The following PPP1R16B variants were observed in gnomAD, a reference collection of about 807,000 sequenced individuals.
PPP1R16B encodes the protein protein phosphatase 1 regulatory subunit 16B, also known as protein phosphatase 1 regulatory inhibitor subunit 16B.
A neutral mutation model predicts 61.7 loss-of-function variants in PPP1R16B; 14 were observed. The observed-to-expected ratio is 0.23, with a 90% CI of 0.15 to 0.35. PPP1R16B has a LOEUF of 0.35. Ranked by LOEUF, PPP1R16B falls within the 10% of genes least tolerant of loss-of-function variation. PPP1R16B has a pLI of 1.00. For missense variants in PPP1R16B, 547 were observed against 752.5 expected, an observed-to-expected ratio of 0.73 and a Z score of 3.19; for synonymous variants, 266 against 305.3, an observed-to-expected ratio of 0.87 and a Z score of 1.34.
intron 1 of PPP1R16B, among the ~76,000 whole-genome samples, chr20:38,810,359 C>T (rs1299723496): frequency 6.6e-6 from 1 of 152,206 alleles, no homozygotes; most frequent in Non-Finnish European, 1.5e-5. Context: ...CACTCACTGA[C>T]CCGAGGCAGT....
chr20:38,812,746 A>T (rs994823598), intron 1 of PPP1R16B, among the ~76,000 whole-genome samples: 10 of 152,136 alleles, frequency 6.6e-5, no homozygotes, highest in Admixed American at 3.3e-4. Context: ...TGTTGAAGGG[A>T]CTGTGCTGTT....
chr20:38,858,738 A>C (rs376516555), intron 2 of PPP1R16B, among the ~76,000 whole-genome samples: 1 of 152,220 alleles, frequency 6.6e-6, no homozygotes, highest in Non-Finnish European at 1.5e-5. Context: ...TGAAGCAAGT[A>C]GGGATGTAGA....
At chr20:38,895,880 TTCTTTCTTCCCTCCCTCCCTCCTTC>T (rs2085334838) in intron 4 of PPP1R16B, among the ~76,000 whole-genome samples, 170 bp downstream of exon 4, 10 of 110,962 alleles carry the variant, frequency 9.0e-5, no homozygotes, top group Non-Finnish European at 1.5e-4. Context: ...CCCTCCTTCC[TTCTTTCTTCCCTCCCTCCCTCCTTC>T]CTTCTTTCTT....
At position 38,922,190 on chromosome 20, in the gene PPP1R16B, A is replaced by G. The variant is rs2145794123; in HGVS notation, c.*3524A>G. Reference sequence around the variant, plus strand: ...TACAGCATAAGTAAAACTGCTCTGCACTGTTTAATCCATTTCCAAGGGGCT... The same window carrying G: ...TACAGCATAAGTAAAACTGCTCTGCGCTGTTTAATCCATTTCCAAGGGGCT... On this transcript the variant is annotated 3_prime_UTR_variant, in exon 11 of 11. Transcript: ENST00000299824. The G allele has an allele frequency of 6.5e-6, 1 of 152,674 alleles. No homozygotes were observed. The highest frequency in any genetic ancestry group is 2.1e-4 in the South Asian group (1 of 4,832). The allele number at this position is 152,674 out of a possible 1,614,324, so 9.5% of individuals were successfully genotyped here.
intron 3 of PPP1R16B, 121 bp downstream of exon 3, chr20:38,889,786 G>T: frequency 1.0e-6 from 1 of 1,000,970 alleles, no homozygotes; most frequent in Non-Finnish European, 1.6e-6. Context: ...GGGAGGAGGA[G>T]CTGCAGCTGG....
intron 1 of PPP1R16B, among the ~76,000 whole-genome samples, chr20:38,831,893 TTCTC>T (rs2084839642): frequency 6.6e-6 from 1 of 152,230 alleles, no homozygotes; most frequent in Middle Eastern, 3.2e-3. Flanking sequence ...CCAACAAGAC[TTCTC>T]TGCTCCTTTT....
chr20:38,881,988 C>T (rs564257625), intron 2 of PPP1R16B, among the ~76,000 whole-genome samples: 132 of 152,342 alleles, frequency 8.7e-4, no homozygotes, highest in Admixed American at 3.2e-3. Context: ...CAAATCATTT[C>T]ATGTATGCAA....
intron 10 of PPP1R16B, among the ~76,000 whole-genome samples, chr20:38,912,517 A>AC (rs1218633720): frequency 2.0e-5 from 3 of 151,542 alleles, no homozygotes; most frequent in African/African-American, 4.9e-5. Flanking sequence ...AAAAAAAAAA[A>AC]AAAAAACAAT....
chr20:38,897,309 G>A (rs1156792645), intron 4 of PPP1R16B, among the ~76,000 whole-genome samples: 1 of 152,164 alleles, frequency 6.6e-6, no homozygotes, highest in South Asian at 2.1e-4. Flanking sequence ...CCTGGGCGAC[G>A]GAGTGAGACA....
chr20:38,818,595 G>A (rs2084754190), intron 1 of PPP1R16B, among the ~76,000 whole-genome samples: 1 of 152,144 alleles, frequency 6.6e-6, no homozygotes, highest in African/African-American at 2.4e-5. Flanking sequence ...AAGCGGTGGA[G>A]GCAAGGAAAC....
rs1394292961 is a variant in PPP1R16B, at chr20:38,920,958, C to A, written c.*2292C>A. 6.6e-6 allele frequency: 1 copy of A among 152,236 alleles called. No homozygotes were observed. The highest frequency in any genetic ancestry group is 2.4e-5 in the African/African-American group (1 of 41,446). 9.4% of individuals were successfully genotyped at this position (152,236 alleles called of 1,614,324 possible). A position where few individuals can be genotyped will look rare whatever the true frequency, so the allele number is the denominator to read the frequency against. ...GGAGTTCTGAGGGAAGCCGCGTGCT[C>A]CTCAGGAGAGAGCTGTTTAGGTTTT... On this transcript the variant is annotated 3_prime_UTR_variant, in exon 11 of 11. Transcript: ENST00000299824.
intron 5 of PPP1R16B, 85 bp from the exon 6 acceptor site, chr20:38,902,582 AG>A: frequency 6.4e-7 from 1 of 1,560,838 alleles, no homozygotes; most frequent in Non-Finnish European, 8.8e-7. Flanking sequence ...AGGGAACAAG[AG>A]CCATGCCTCC....
intron 1 of PPP1R16B, among the ~76,000 whole-genome samples, chr20:38,831,341 G>A (rs1443632971): frequency 6.6e-6 from 1 of 152,198 alleles, no homozygotes; most frequent in Non-Finnish European, 1.5e-5. Context: ...TTGGAACCTG[G>A]CTGCCGTGGG....
chr20:38,919,431 A>C lies in PPP1R16B; in HGVS notation c.*765A>C, dbSNP rs1324729815. The C allele has an allele frequency of 6.6e-6, 1 of 152,256 alleles. No individual in the cohort carries two copies. The highest frequency in any genetic ancestry group is 1.5e-5 in the Non-Finnish European group (1 of 68,072). The allele number at this position is 152,256 out of a possible 1,614,324, so 9.4% of individuals were successfully genotyped here. ...ACCAGGCAATTTCGTTCCTGGAATC[A>C]ACCAAATCATGTTTTCCTCTTGGAT... On this transcript the variant is annotated 3_prime_UTR_variant, in exon 11 of 11. Transcript: ENST00000299824.
intron 2 of PPP1R16B, among the ~76,000 whole-genome samples, chr20:38,884,470 AT>A (rs1293633900): frequency 2.6e-5 from 4 of 152,208 alleles, no homozygotes; most frequent in Non-Finnish European, 5.9e-5. Context: ...TACCTACTCA[AT>A]TCTGCTGTTG....
At chr20:38,880,807 T>C (rs1472583835) in intron 2 of PPP1R16B, among the ~76,000 whole-genome samples, 2 of 152,236 alleles carry the variant, frequency 1.3e-5, no homozygotes, top group Admixed American at 1.3e-4. Context: ...GACATATATG[T>C]TCATTCCTCT....
At chr20:38,836,851 C>T (rs1281712093) in intron 2 of PPP1R16B, among the ~76,000 whole-genome samples, 1 of 152,160 alleles carries the variant, frequency 6.6e-6, no homozygotes, top group African/African-American at 2.4e-5. Context: ...AACAAGGATT[C>T]CAGCCTTTGG....
chr20:38,814,402 C>A (rs1471057020), intron 1 of PPP1R16B, among the ~76,000 whole-genome samples: 2 of 152,114 alleles, frequency 1.3e-5, no homozygotes, highest in East Asian at 3.8e-4. Context: ...GGGTTTGATT[C>A]CTACCTCCAG....
At chr20:38,837,231 C>T (rs141655232) in intron 2 of PPP1R16B, among the ~76,000 whole-genome samples, 9 of 152,318 alleles carry the variant, frequency 5.9e-5, no homozygotes, top group East Asian at 1.9e-4. Flanking sequence ...CTCTATACTT[C>T]GTTTACACCT....
Sources: allele counts gnomAD v4.1 joint callset (sites outside exome capture counted in the v4.1 genomes callset), GRCh38; gene constraint gnomAD v4.1.1; transcripts MANE v1.5; gene names NCBI Gene and HGNC (gene_info 2026-07-23, HGNC 2026-07-21).